The following QKI variants were observed in gnomAD, a reference collection of about 807,000 sequenced individuals.
QKI encodes QKI, KH domain containing RNA binding, also known as KH domain-containing RNA-binding protein QKI.
Under a neutral mutation model 39.0 loss-of-function variants are expected in QKI, and 10 were observed. The observed-to-expected ratio is 0.26, with a 90% CI of 0.16 to 0.43. QKI has a LOEUF of 0.43. Ranked by LOEUF, QKI falls within the 20% of genes least tolerant of loss-of-function variation. The pLI is 1.00. For synonymous variants in QKI, 204 were observed against 155.4 expected (o/e 1.31, Z -2.33); for missense variants, 218 against 428.0 (o/e 0.51, Z 4.33).
intron 3 of QKI, among the ~76,000 whole-genome samples, chr6:163,511,334 C>T (rs1000018788): frequency 1.3e-5 from 2 of 151,602 alleles, no homozygotes; most frequent in Admixed American, 6.6e-5. Context: ...GCAAGGTAAA[C>T]CCAAGGTAAT....
At chr6:163,417,780 T>C (rs190034010) in intron 1 of QKI, among the ~76,000 whole-genome samples, 64 of 152,326 alleles carry the variant, frequency 4.2e-4, no homozygotes, top group African/African-American at 1.4e-3. Context: ...AGTGTAAAGA[T>C]TGCTTCTGTG....
At chr6:163,460,948 A>G (rs570361222) in intron 2 of QKI, among the ~76,000 whole-genome samples, 40 of 152,330 alleles carry the variant, frequency 2.6e-4, no homozygotes, top group Non-Finnish European at 5.4e-4. Flanking sequence ...ACAGAAATCT[A>G]TTTAAAGGTA....
rs553715387 is a variant in QKI at position 163,577,047 on chromosome 6, A to G, written c.*6337A>G. 3 of 152,344 alleles carry G rather than the reference A, an allele frequency of 2.0e-5. No individual in the cohort carries two copies. The highest frequency in any genetic ancestry group is 2.9e-5 in the Non-Finnish European group (2 of 68,030). The allele number at this position is 152,344 out of a possible 1,614,324, so 9.4% of individuals were successfully genotyped here. On this transcript the variant is annotated 3_prime_UTR_variant, in exon 8 of 8. Coordinates refer to ENST00000361752, the MANE Select transcript of QKI (RefSeq NM_006775.3). The stretch of plus-strand genomic sequence containing the variant: ...AAAACTTGATTTCATCAGCTTCATG[A>G]AAAGGACTAGTGTCATTAACCTGTT...
At chr6:163,485,223 A>G (rs933506100) in intron 3 of QKI, among the ~76,000 whole-genome samples, 5 of 152,194 alleles carry the variant, frequency 3.3e-5, no homozygotes, top group African/African-American at 1.2e-4. Context: ...TCAGTATGGT[A>G]TGGTGTAGAC....
At chr6:163,544,583 A>G (rs1781752528) in intron 4 of QKI, among the ~76,000 whole-genome samples, 2 of 152,110 alleles carry the variant, frequency 1.3e-5, no homozygotes, top group South Asian at 2.1e-4. Context: ...TAGTTCTTAC[A>G]TTGGTGGTTT....
At chr6:163,564,848 G>A in intron 6 of QKI, 2 of 1,480,706 alleles carry the variant, frequency 1.4e-6, no homozygotes, top group South Asian at 1.4e-5. Context: ...TATGACCTTG[G>A]TGCTGCATGC....
At chr6:163,443,969 G>T (rs1010918730) in intron 1 of QKI, among the ~76,000 whole-genome samples, 1 of 152,180 alleles carries the variant, frequency 6.6e-6, no homozygotes, top group African/African-American at 2.4e-5. Context: ...CTTCAAGAGG[G>T]CGAAATACAT....
chr6:163,442,908 G>T (rs1229493565), intron 1 of QKI, among the ~76,000 whole-genome samples: 2 of 152,020 alleles, frequency 1.3e-5, no homozygotes, highest in Non-Finnish European at 2.9e-5. Flanking sequence ...AACACAGAGG[G>T]CTGTATTCTG....
intron 6 of QKI, chr6:163,565,688 T>A: frequency 1.8e-6 from 2 of 1,139,316 alleles, no homozygotes; most frequent in Non-Finnish European, 2.2e-6. Context: ...CATTTCTTGC[T>A]TTGCCACCTA....
At chr6:163,569,566 A>G (rs1349218007) in intron 7 of QKI, 3 of 1,167,136 alleles carry the variant, frequency 2.6e-6, no homozygotes, top group Non-Finnish European at 3.2e-6. Flanking sequence ...AGAATGTGAC[A>G]AAGGTTGATT....
chr6:163,462,406 A>G (rs181932159), intron 2 of QKI, among the ~76,000 whole-genome samples: 132 of 152,316 alleles, frequency 8.7e-4, no homozygotes, highest in Middle Eastern at 3.4e-3. Flanking sequence ...CAGCCTGTCT[A>G]TCATAAACTT....
Position 163,415,135 on chromosome 6 carries a change from C to T in QKI, c.-59C>T, listed in dbSNP as rs1441814843. The T allele has an allele frequency of 1.1e-5, 14 of 1,326,560 alleles. No homozygotes were observed. Among genetic ancestry groups the T allele is most frequent in the South Asian group, 4.3e-5 (3 of 69,006 alleles). 82.2% of individuals were successfully genotyped at this position (1,326,560 alleles called of 1,614,324 possible). Reference sequence around the variant, plus strand: ...CGGCCGGGGCTCGCCCCCGCCCCTCCCTCCTCTCCGGCGGCGGCGGCGGCG... The same window carrying T: ...CGGCCGGGGCTCGCCCCCGCCCCTCTCTCCTCTCCGGCGGCGGCGGCGGCG... On this transcript the variant is annotated 5_prime_UTR_variant, in exon 1 of 8. Transcript: ENST00000361752.
intron 1 of QKI, among the ~76,000 whole-genome samples, chr6:163,420,468 G>T (rs1787909538): frequency 6.6e-6 from 1 of 152,080 alleles, no homozygotes; most frequent in African/African-American, 2.4e-5. Flanking sequence ...TGGTATGTCA[G>T]CTGTTATGAA....
intron 6 of QKI, chr6:163,564,787 A>G: frequency 1.9e-6 from 3 of 1,605,872 alleles, no homozygotes; most frequent in Non-Finnish European, 2.6e-6. Flanking sequence ...TTTCTGTGCA[A>G]CCCCTTTGTT....
At chr6:163,489,846 G>A (rs529411725) in intron 3 of QKI, among the ~76,000 whole-genome samples, 46 of 152,246 alleles carry the variant, frequency 3.0e-4, no homozygotes, top group Admixed American at 5.2e-4. Flanking sequence ...CTTGGGCTGG[G>A]CATTGAAATT....
At chr6:163,536,365 C>A (rs1781210450) in intron 4 of QKI, among the ~76,000 whole-genome samples, 2 of 152,160 alleles carry the variant, frequency 1.3e-5, no homozygotes, top group African/African-American at 2.4e-5. Context: ...GCTTTAATAA[C>A]ATTTTCTTTT....
chr6:163,575,742 G>A lies in QKI; in HGVS notation c.*5032G>A, dbSNP rs187262792. The A allele has an allele frequency of 6.6e-6, 1 of 152,212 alleles. No homozygotes were observed. Among genetic ancestry groups the A allele is most frequent in the Non-Finnish European group, 1.5e-5 (1 of 68,010 alleles). The allele number at this position is 152,212 out of a possible 1,614,324, so 9.4% of individuals were successfully genotyped here. On this transcript the variant is annotated 3_prime_UTR_variant, in exon 8 of 8. Transcript: ENST00000361752. Reference sequence around the variant, plus strand: ...ATCTGAATTTTTTAGTGTGCCAAAAGCAAACGATAGGTTTAAATGAAATTG... The same window carrying A: ...ATCTGAATTTTTTAGTGTGCCAAAAACAAACGATAGGTTTAAATGAAATTG...
chr6:163,573,617 G>A lies in QKI; in HGVS notation c.*2907G>A, dbSNP rs1296886266. On this transcript the variant is annotated 3_prime_UTR_variant, in exon 8 of 8. Coordinates refer to ENST00000361752, the MANE Select transcript of QKI (RefSeq NM_006775.3). ...ACTGAAAATTGCCAATTGTTTTGCA[G>A]TACTTTATTATATTGGGTGTCTTGT... is the stretch of plus-strand genomic sequence containing the variant. 1 of 152,148 alleles carries A rather than the reference G, an allele frequency of 6.6e-6. No homozygotes were observed. The highest frequency in any genetic ancestry group is 1.5e-5 in the Non-Finnish European group (1 of 68,030). The allele number at this position is 152,148 out of a possible 1,614,324, so 9.4% of individuals were successfully genotyped here.
At chr6:163,469,068 A>C (rs555613330) in intron 2 of QKI, among the ~76,000 whole-genome samples, 1 of 151,916 alleles carries the variant, frequency 6.6e-6, no homozygotes, top group South Asian at 2.1e-4. Context: ...AGGTTAGTAA[A>C]ATTTTTTAAG....
Sources: gnomAD v4.1 joint callset for allele counts (sites outside exome capture counted in the v4.1 genomes callset) on GRCh38, gnomAD v4.1.1 for gene constraint, MANE v1.5 for transcripts, NCBI Gene and HGNC (gene_info 2026-07-23, HGNC 2026-07-21) for gene names.